The following NRF1 variants were observed in gnomAD, a reference collection of about 807,000 sequenced individuals.
NRF1 encodes the protein nuclear respiratory factor 1, also known as alpha palindromic-binding protein.
Under a neutral mutation model 58.5 loss-of-function variants are expected in NRF1, and 5 were observed. That is an observed-to-expected ratio of 0.09 (90% confidence interval 0.04 to 0.18). NRF1 has a LOEUF of 0.18. NRF1 is among the 10% of genes least tolerant of loss of function. The pLI is 1.00. For synonymous variants in NRF1, 224 were observed against 246.7 expected (o/e 0.91, Z 0.86); for missense variants, 288 against 657.7 (o/e 0.44, Z 6.15).
chr7:129,625,348 T>TATG (rs1355461483), intron 1 of NRF1, among the ~76,000 whole-genome samples: 2 of 152,218 alleles, frequency 1.3e-5, no homozygotes, highest in African/African-American at 2.4e-5. Context: ...ATGGTAAGCA[T>TATG]GTGAACATAT....
intron 9 of NRF1, among the ~76,000 whole-genome samples, chr7:129,721,864 A>C (rs559618618): frequency 1.3e-5 from 2 of 152,284 alleles, no homozygotes; most frequent in African/African-American, 4.8e-5. Context: ...ATACGGAGTG[A>C]TATTTGTCCA....
At chr7:129,688,676 A>G (rs1166032209) in intron 4 of NRF1, among the ~76,000 whole-genome samples, 1 of 148,970 alleles carries the variant, frequency 6.7e-6, no homozygotes, top group Non-Finnish European at 1.5e-5. Flanking sequence ...CGTCTTACAT[A>G]GTGGCAGGAG....
At chr7:129,752,663 G>A (rs892064667) in intron 10 of NRF1, among the ~76,000 whole-genome samples, 5 of 151,930 alleles carry the variant, frequency 3.3e-5, no homozygotes, top group African/African-American at 1.2e-4. Context: ...ACCAACCTGG[G>A]CAACATAGTG....
chr7:129,676,389 G>A (rs7782840), intron 3 of NRF1, among the ~76,000 whole-genome samples: 19,425 of 152,204 alleles, frequency 0.13, 2,108 homozygotes, highest in African/African-American at 0.3. Context: ...ATTAAAAGTG[G>A]GAGATGTGCG....
chr7:129,738,404 C>G (rs1246490173), intron 10 of NRF1, among the ~76,000 whole-genome samples: 2 of 152,180 alleles, frequency 1.3e-5, no homozygotes, highest in Non-Finnish European at 2.9e-5. Flanking sequence ...AGCAGTGTCT[C>G]TTAGTGTCTT....
At chr7:129,662,760 A>G (rs900626418) in intron 2 of NRF1, among the ~76,000 whole-genome samples, 1 of 151,854 alleles carries the variant, frequency 6.6e-6, no homozygotes, top group African/African-American at 2.4e-5. Flanking sequence ...TTATTTATTT[A>G]TTTATTTTAG....
chr7:129,619,396 GTATATATATATATATATATATATA>G (rs749333673), intron 1 of NRF1, among the ~76,000 whole-genome samples: 2 of 47,358 alleles, frequency 4.2e-5, no homozygotes, highest in Non-Finnish European at 6.6e-5. Flanking sequence ...TGGCATACGT[GTATATATATATATATATATATATA>G]TATATATATA....
chr7:129,619,987 T>C lies in NRF1; in HGVS notation c.-7+8163T>C, dbSNP rs1391658749. On this transcript the variant is annotated intron_variant, in intron 1 of 10. Transcript: ENST00000393232. Reference sequence around the variant, plus strand: ...TGTGTGAGTGCATGTGTGATTTTTCTGGGGAGAGGGTCCACAACATTTATG... The same window carrying C: ...TGTGTGAGTGCATGTGTGATTTTTCCGGGGAGAGGGTCCACAACATTTATG... Among the ~76,000 whole-genome samples, 4 of 152,082 alleles carry C rather than the reference T, an allele frequency of 2.6e-5. No homozygotes were observed. The East Asian group carries it at 7.7e-4, about 29-fold the overall frequency.
chr7:129,658,856 A>T (rs1801719244), intron 2 of NRF1, among the ~76,000 whole-genome samples: 1 of 152,190 alleles, frequency 6.6e-6, no homozygotes, highest in Non-Finnish European at 1.5e-5. Flanking sequence ...TAATACAAAT[A>T]AAAGGCCAAT....
chr7:129,649,009 A>G (rs1484680567), intron 1 of NRF1, among the ~76,000 whole-genome samples: 1 of 151,884 alleles, frequency 6.6e-6, no homozygotes, highest in African/African-American at 2.4e-5. Flanking sequence ...CACTCTTTGA[A>G]AGAGAATTAT....
At chr7:129,689,220 T>C (rs1244450728) in intron 4 of NRF1, among the ~76,000 whole-genome samples, 1 of 152,182 alleles carries the variant, frequency 6.6e-6, no homozygotes, top group Non-Finnish European at 1.5e-5. Flanking sequence ...TAGCCAGTAA[T>C]AATATTTATT....
chr7:129,629,413 G>A (rs1440847443), intron 1 of NRF1, among the ~76,000 whole-genome samples: 2 of 151,968 alleles, frequency 1.3e-5, no homozygotes, highest in African/African-American at 4.8e-5. Context: ...GAGTAGCTGG[G>A]GTTACAGCTG....
intron 1 of NRF1, among the ~76,000 whole-genome samples, chr7:129,617,478 T>C (rs1721701881): frequency 6.6e-6 from 1 of 152,324 alleles, no homozygotes. Context: ...GAGTGAAGCA[T>C]TCTCTCCATT....
At chr7:129,717,148 T>C (rs1803211345) in intron 8 of NRF1, 71 bp from the exon 9 acceptor site, 1 of 1,467,380 alleles carries the variant, frequency 6.8e-7, no homozygotes, top group Admixed American at 2.4e-5. Flanking sequence ...GTAGCAATTA[T>C]TAGAAAAATT....
chr7:129,670,661 A>C (rs1562965737), intron 2 of NRF1, among the ~76,000 whole-genome samples: 1 of 152,228 alleles, frequency 6.6e-6, no homozygotes, highest in Non-Finnish European at 1.5e-5. Flanking sequence ...TGTCTTTGAT[A>C]TGTTGAGGTC....
At chr7:129,665,024 T>C (rs888374758) in intron 2 of NRF1, among the ~76,000 whole-genome samples, 1 of 152,056 alleles carries the variant, frequency 6.6e-6, no homozygotes, top group African/African-American at 2.4e-5. Flanking sequence ...GGGAAGGTAA[T>C]GGAGAGAGAA....
chr7:129,729,140 C>T (rs1209101062), intron 10 of NRF1, among the ~76,000 whole-genome samples: 1 of 152,168 alleles, frequency 6.6e-6, no homozygotes, highest in African/African-American at 2.4e-5. Flanking sequence ...ACTTTATTAT[C>T]CATTCTAATC....
At position 129,727,256 on chromosome 7, in the gene NRF1, T is replaced by C; in HGVS notation, c.1239T>C (p.His413=). Residue 413 remains histidine (H), a synonymous_variant, in exon 10 of 11, where the codon CAT becomes CAC. Transcript: ENST00000393232. ...TMALNSEAAA[H]AVATLAEATL... The stretch of plus-strand genomic sequence containing the variant: ...GTGCCCGCAGCGAAGCTGCCGCCCA[T>C]GCTGTCGCCACCCTGGCTGAGGCCA... The C allele has an allele frequency of 1.3e-6, 2 of 1,598,182 alleles. No homozygotes were observed. The highest frequency in any genetic ancestry group is 2.3e-5 in the East Asian group (1 of 44,414).
intron 10 of NRF1, among the ~76,000 whole-genome samples, chr7:129,742,287 AAAAAAC>A (rs1264404087): frequency 2.6e-5 from 4 of 151,524 alleles, no homozygotes; most frequent in Non-Finnish European, 5.9e-5. Flanking sequence ...AAAAAAAAAA[AAAAAAC>A]AAAAAACTTT....
Sources: allele counts gnomAD v4.1 joint callset (sites outside exome capture counted in the v4.1 genomes callset), GRCh38; gene constraint gnomAD v4.1.1; transcripts MANE v1.5; gene names NCBI Gene and HGNC (gene_info 2026-07-23, HGNC 2026-07-21).